Variants in DOK6 observed in about 807,000 individuals in gnomAD.
The protein encoded by DOK6 is downstream of tyrosine kinase 6.
A neutral mutation model predicts 44.0 loss-of-function variants in DOK6; 22 were observed. The ratio of observed to expected loss-of-function variants is 0.50; its 90% CI spans 0.36 to 0.71. DOK6 has a LOEUF of 0.71. DOK6 is among the 30% of genes least tolerant of loss of function. The probability of loss-of-function intolerance (pLI) is 0.00; values close to 1 mark genes in which losing one functional copy is unlikely to be tolerated. For synonymous variants in DOK6, 166 were observed against 145.5 expected (o/e 1.14, Z -1.01); for missense variants, 340 against 416.4 (o/e 0.82, Z 1.60).
intron 3 of DOK6, among the ~76,000 whole-genome samples, chr18:69,606,359 A>G (rs930419130): frequency 2.0e-5 from 3 of 152,014 alleles, no homozygotes; most frequent in Admixed American, 6.5e-5. Flanking sequence ...TTATATGGAA[A>G]GAAAGACAAC....
chr18:69,825,972 A>G (rs1229560495), intron 7 of DOK6, among the ~76,000 whole-genome samples: 2 of 151,896 alleles, frequency 1.3e-5, no homozygotes, highest in East Asian at 3.9e-4. Context: ...CTTTTCCCCA[A>G]TCACTGTGCT....
At chr18:69,627,163 AT>A in intron 3 of DOK6, among the ~76,000 whole-genome samples, 1 of 152,194 alleles carries the variant, frequency 6.6e-6, no homozygotes, top group Admixed American at 6.5e-5. Flanking sequence ...CATTCACAAC[AT>A]TTTAGAAAAA....
chr18:69,536,682 G>A (rs1337383508), intron 1 of DOK6, among the ~76,000 whole-genome samples: 1 of 151,894 alleles, frequency 6.6e-6, no homozygotes, highest in African/African-American at 2.4e-5. Flanking sequence ...CAATTATTAA[G>A]TTTAAACAAT....
chr18:69,821,799 TAAA>T (rs1555673048), intron 7 of DOK6, among the ~76,000 whole-genome samples: 34 of 149,350 alleles, frequency 2.3e-4, no homozygotes, highest in African/African-American at 7.4e-4. Flanking sequence ...TTTTTTTTTT[TAAA>T]AAAAATCCTT....
chr18:69,712,278 C>A, intron 5 of DOK6, among the ~76,000 whole-genome samples: 1 of 37,646 alleles, frequency 2.7e-5, no homozygotes, highest in African/African-American at 1.1e-4. Flanking sequence ...GAGACTCCGT[C>A]TCAAAAAAAA....
intron 3 of DOK6, among the ~76,000 whole-genome samples, chr18:69,604,204 A>G (rs1983942617): frequency 6.6e-6 from 1 of 152,242 alleles, no homozygotes. Context: ...TAAGGAATTT[A>G]GGATTAGTAT....
At chr18:69,723,573 T>C (rs1299981933) in intron 5 of DOK6, among the ~76,000 whole-genome samples, 4 of 152,044 alleles carry the variant, frequency 2.6e-5, no homozygotes, top group South Asian at 2.1e-4. Flanking sequence ...TGCAACACCA[T>C]TGGGGAAGGT....
At chr18:69,647,168 A>G (rs1268084067) in intron 3 of DOK6, among the ~76,000 whole-genome samples, 1 of 151,732 alleles carries the variant, frequency 6.6e-6, no homozygotes, top group African/African-American at 2.4e-5. Context: ...CTATCCATCT[A>G]TCCTATCCAT....
chr18:69,553,920 A>G (rs1385211885), intron 1 of DOK6, among the ~76,000 whole-genome samples: 1 of 152,142 alleles, frequency 6.6e-6, no homozygotes, highest in Non-Finnish European at 1.5e-5. Flanking sequence ...GTTTGTCGTA[A>G]TACCTTTTGT....
rs111305064 is a variant in DOK6 at position 69,422,663 on chromosome 18, C to T, written c.66+21353C>T. 1.1e-3 allele frequency among the ~76,000 whole-genome samples: 162 copies of T among 147,964 alleles called. 1 individual carries two copies. Among genetic ancestry groups the T allele is most frequent in the African/African-American group, 3.7e-3 (152 of 41,426 alleles). On this transcript the variant is annotated intron_variant, in intron 1 of 7. Coordinates refer to ENST00000382713, the MANE Select transcript of DOK6 (RefSeq NM_152721.6). The stretch of plus-strand genomic sequence containing the variant: ...CTGTGGTCTCTTTCCAGTTGATATA[C>T]TCTGTTTGTGTAACTTAAGGCACAA...
Position 69,667,038 on chromosome 18 carries a change from TC to T in DOK6, c.290-10694del, listed in dbSNP as rs2036599550. On this transcript the variant is annotated intron_variant, in intron 3 of 7. Transcript: ENST00000382713. ...AACCTCCCTTTAGTTCTCATAATTT[TC>T]CATAGAGCATCAGCATGGGGCTGTC... 3.3e-5 allele frequency among the ~76,000 whole-genome samples: 5 copies of T among 152,308 alleles called. No individual in the cohort carries two copies. In the South Asian group the frequency reaches 1.0e-3, roughly 32 times the overall value.
At chr18:69,632,586 T>C (rs1984714084) in intron 3 of DOK6, among the ~76,000 whole-genome samples, 1 of 152,164 alleles carries the variant, frequency 6.6e-6, no homozygotes, top group Admixed American at 6.6e-5. Flanking sequence ...CCTGGTGGCC[T>C]TTGACAACCA....
chr18:69,596,966 C>T (rs906053811), intron 2 of DOK6, among the ~76,000 whole-genome samples: 2 of 150,928 alleles, frequency 1.3e-5, no homozygotes, highest in Non-Finnish European at 1.5e-5. Context: ...TCAATAGGAA[C>T]AAAAGAAAAG....
chr18:69,676,753 A>G (rs758675943), intron 3 of DOK6, among the ~76,000 whole-genome samples: 2 of 152,174 alleles, frequency 1.3e-5, no homozygotes, highest in Non-Finnish European at 2.9e-5. Context: ...TTGATTTCCA[A>G]TTCTGTTTTG....
intron 1 of DOK6, among the ~76,000 whole-genome samples, chr18:69,468,744 C>T (rs1198874477): frequency 6.6e-6 from 1 of 152,012 alleles, no homozygotes; most frequent in East Asian, 1.9e-4. Flanking sequence ...AGATTTCAAA[C>T]TTAGATTAGG....
In DOK6 at chr18:69,841,550, C is replaced by T. The variant is rs1462315121; in HGVS notation, c.*167C>T. On this transcript the variant is annotated 3_prime_UTR_variant, in exon 8 of 8. Transcript: ENST00000382713. ...AAACTGGAGTTCTGCTTCCTTGATT[C>T]AGTGGCTAAGTCCTTTATTTATTGA... The T allele has an allele frequency of 2.4e-6, 2 of 841,266 alleles. No homozygotes were observed. The highest frequency in any genetic ancestry group is 3.5e-6 in the Non-Finnish European group (2 of 577,296). The allele number at this position is 841,266 out of a possible 1,614,324, so 52.1% of individuals were successfully genotyped here.
intron 1 of DOK6, among the ~76,000 whole-genome samples, chr18:69,444,697 G>T (rs932851881): frequency 6.8e-6 from 1 of 146,094 alleles, no homozygotes; most frequent in African/African-American, 2.5e-5. Flanking sequence ...AGGCTGGAGT[G>T]CAATGGCACG....
At chr18:69,633,167 G>A (rs888317695) in intron 3 of DOK6, among the ~76,000 whole-genome samples, 3 of 152,182 alleles carry the variant, frequency 2.0e-5, no homozygotes, top group Non-Finnish European at 4.4e-5. Context: ...GTCCTTGTAA[G>A]AATAACAATA....
chr18:69,533,379 C>T (rs768980038), intron 1 of DOK6, among the ~76,000 whole-genome samples: 9 of 152,046 alleles, frequency 5.9e-5, no homozygotes, highest in Non-Finnish European at 1.3e-4. Context: ...GTCATGTCCT[C>T]TATAATACAG....
Sources: allele counts gnomAD v4.1 joint callset (sites outside exome capture counted in the v4.1 genomes callset), GRCh38; gene constraint gnomAD v4.1.1; transcripts MANE v1.5; gene names NCBI Gene and HGNC (gene_info 2026-07-23, HGNC 2026-07-21).